Variants in NUGGC observed in about 807,000 individuals in gnomAD.
The protein encoded by NUGGC is nuclear GTPase, germinal center associated.
In NUGGC, 58 loss-of-function variants were observed where a neutral mutation model predicts 92.6. That is an observed-to-expected ratio of 0.63 (90% CI 0.51 to 0.78). The LOEUF (loss-of-function observed/expected upper bound fraction) is 0.78. NUGGC is among the 30% of genes least tolerant of loss of function. The pLI is 0.00. For synonymous variants in NUGGC, 376 were observed against 366.4 expected, an observed-to-expected ratio of 1.03 and a Z score of -0.30; for missense variants, 925 against 964.6, an observed-to-expected ratio of 0.96 and a Z score of 0.54.
At chr8:28,049,249 C>G (rs1288469989) in intron 10 of NUGGC, among the ~76,000 whole-genome samples, 1 of 152,090 alleles carries the variant, frequency 6.6e-6, no homozygotes, top group Non-Finnish European at 1.5e-5. Context: ...CCCCCACCAA[C>G]CCCCTTATAG....
chr8:28,026,479 C>T (rs907941248), intron 18 of NUGGC, among the ~76,000 whole-genome samples: 15 of 152,142 alleles, frequency 9.9e-5, no homozygotes, highest in Non-Finnish European at 1.3e-4. Flanking sequence ...AAGCCTTTCT[C>T]CACCATCACC....
chr8:28,080,367 T>G (rs1810821498), intron 1 of NUGGC, among the ~76,000 whole-genome samples: 2 of 152,228 alleles, frequency 1.3e-5, no homozygotes, highest in South Asian at 4.1e-4. Flanking sequence ...AATGTGTTTA[T>G]TACAAATGAC....
At chr8:28,027,789 T>C (rs1323678666) in intron 17 of NUGGC, among the ~76,000 whole-genome samples, 4 of 152,106 alleles carry the variant, frequency 2.6e-5, no homozygotes, top group African/African-American at 4.8e-5. Flanking sequence ...ATCTTTAAGA[T>C]CAGGGAACGA....
At chr8:28,076,077 C>CG (rs1810715143) in intron 1 of NUGGC, among the ~76,000 whole-genome samples, 1 of 152,224 alleles carries the variant, frequency 6.6e-6, no homozygotes, top group Admixed American at 6.5e-5. Context: ...CGGCTCCATA[C>CG]ACACCTGTGT....
At chr8:28,071,950 C>T (rs1217935047) in intron 2 of NUGGC, among the ~76,000 whole-genome samples, 1 of 152,178 alleles carries the variant, frequency 6.6e-6, no homozygotes, top group East Asian at 1.9e-4. Flanking sequence ...ACGTGGCATC[C>T]AAGAACGGCA....
intron 18 of NUGGC, among the ~76,000 whole-genome samples, chr8:28,025,682 C>T (rs1809241183): frequency 6.6e-6 from 1 of 152,146 alleles, no homozygotes; most frequent in Non-Finnish European, 1.5e-5. Context: ...ATAAATGGGT[C>T]ATAAAGATTC....
intron 1 of NUGGC, among the ~76,000 whole-genome samples, chr8:28,080,929 A>T (rs755672237): frequency 6.6e-5 from 10 of 152,178 alleles, no homozygotes; most frequent in Non-Finnish European, 1.5e-4. Context: ...TCCTGCTCCC[A>T]ATCTTCAATG....
intron 10 of NUGGC, among the ~76,000 whole-genome samples, chr8:28,052,020 A>G (rs1467452578): frequency 6.6e-6 from 1 of 152,222 alleles, no homozygotes; most frequent in Non-Finnish European, 1.5e-5. Context: ...ACCAGGTAGT[A>G]AGAAAAGATG....
At position 28,069,427 on chromosome 8, in the gene NUGGC, T is replaced by C. The variant is rs186361106; in HGVS notation, c.257+117A>G. 4.9e-5 allele frequency: 30 copies of C among 613,680 alleles called. No homozygotes were observed. The East Asian group carries it at 7.8e-4, about 16-fold the overall frequency. The allele number at this position is 613,680 out of a possible 1,614,324, so 38.0% of individuals were successfully genotyped here. On this transcript the variant is annotated intron_variant, in intron 4 of 18. Coordinates refer to ENST00000413272, the MANE Select transcript of NUGGC (RefSeq NM_001010906.2). ...TATCCCATAGCTACAGAAATTTGTG[T>C]CCCTCTTTTCTTAGTTTCTAATTAA...
At chr8:28,049,962 C>G (rs188681245) in intron 10 of NUGGC, among the ~76,000 whole-genome samples, 8 of 152,236 alleles carry the variant, frequency 5.3e-5, no homozygotes, top group Admixed American at 4.6e-4. Context: ...AGGCACACGC[C>G]TGTAGTCCCA....
chr8:28,045,739 C>G, intron 11 of NUGGC, 79 bp from the exon 12 acceptor site: 2 of 1,470,768 alleles, frequency 1.4e-6, no homozygotes, highest in Non-Finnish European at 1.8e-6. Flanking sequence ...GTTGAAAGAC[C>G]AAGGTGGCGA....
intron 10 of NUGGC, among the ~76,000 whole-genome samples, chr8:28,049,482 T>C (rs1459607428): frequency 6.6e-6 from 1 of 152,260 alleles, no homozygotes; most frequent in African/African-American, 2.4e-5. Flanking sequence ...AAATCTTGTA[T>C]AACTTTTCTA....
intron 13 of NUGGC, among the ~76,000 whole-genome samples, chr8:28,038,965 C>A (rs528682738): frequency 1.3e-5 from 2 of 152,248 alleles, no homozygotes; most frequent in African/African-American, 4.8e-5. Flanking sequence ...CCACAGTCAG[C>A]ATTTTGCTCA....
intron 7 of NUGGC, 72 bp from the exon 8 acceptor site, chr8:28,060,673 G>A (rs949514712): frequency 4.2e-6 from 6 of 1,415,616 alleles, no homozygotes; most frequent in Non-Finnish European, 5.8e-6. Flanking sequence ...GTTCCCTAAT[G>A]TATCCCTTAA....
rs532234496 is a variant in NUGGC, at chr8:28,055,357, C to T, written c.1206+608G>A. Among the ~76,000 whole-genome samples, 5 of 152,290 alleles carry T rather than the reference C, an allele frequency of 3.3e-5. No individual in the cohort carries two copies. In the South Asian group the frequency reaches 1.0e-3, roughly 32 times the overall value. On this transcript the variant is annotated intron_variant, in intron 10 of 18. Coordinates refer to ENST00000413272, the MANE Select transcript of NUGGC (RefSeq NM_001010906.2). The stretch of plus-strand genomic sequence containing the variant: ...CCACCAGTGTGACCTGGCATCTTTC[C>T]TCCGTGTCCCATAGCACTCAACAAT...
At chr8:28,079,447 G>A (rs1214743194) in intron 1 of NUGGC, among the ~76,000 whole-genome samples, 1 of 152,144 alleles carries the variant, frequency 6.6e-6, no homozygotes, top group African/African-American at 2.4e-5. Flanking sequence ...GGCTGATGCA[G>A]GAGAATTGCT....
chr8:28,067,783 G>T, intron 5 of NUGGC, 39 bp from the exon 6 acceptor site: 1 of 1,506,786 alleles, frequency 6.6e-7, no homozygotes, highest in Non-Finnish European at 9.2e-7. Context: ...TCTTGACACA[G>T]ACACAGAGAA....
intron 13 of NUGGC, among the ~76,000 whole-genome samples, chr8:28,034,311 C>A (rs1025069387): frequency 1.3e-5 from 2 of 152,096 alleles, no homozygotes; most frequent in Non-Finnish European, 2.9e-5. Flanking sequence ...CTATGAGAGA[C>A]ATTAATCAAT....
rs186369228 is a variant in NUGGC, at chr8:28,055,827, G to A, written c.1206+138C>T. The A allele has an allele frequency of 3.6e-4, 200 of 558,838 alleles. 5 individuals carry two copies. The South Asian group carries it at 3.9e-3, about 11-fold the overall frequency. The allele number at this position is 558,838 out of a possible 1,614,324, so 34.6% of individuals were successfully genotyped here. ...CAGCCTGGCCAACAGAGTGAGACCC[G>A]CGTCTCAAAACAAAAGAAACTAACT... On this transcript the variant is annotated intron_variant, in intron 10 of 18. Transcript: ENST00000413272.
Sources: allele counts gnomAD v4.1 joint callset (sites outside exome capture counted in the v4.1 genomes callset), GRCh38; gene constraint gnomAD v4.1.1; transcripts MANE v1.5; gene names NCBI Gene and HGNC (gene_info 2026-07-23, HGNC 2026-07-21).